DNAJC1: variants seen among roughly 807,000 people sequenced by gnomAD.
DNAJC1 encodes DnaJ heat shock protein family (Hsp40) member C1.
Under a neutral mutation model 76.6 loss-of-function variants are expected in DNAJC1, and 58 were observed. The ratio of observed to expected loss-of-function variants is 0.76; its 90% CI spans 0.61 to 0.94. DNAJC1 has a LOEUF of 0.94. Ranked by LOEUF, DNAJC1 falls within the 40% of genes least tolerant of loss-of-function variation. The pLI is 0.00. For missense variants in DNAJC1, 689 were observed against 677.3 expected, an observed-to-expected ratio of 1.02 and a Z score of -0.19; for synonymous variants, 258 against 267.9, an observed-to-expected ratio of 0.96 and a Z score of 0.36.
At chr10:21,862,373 T>C (rs901082308) in intron 8 of DNAJC1, among the ~76,000 whole-genome samples, 18 of 151,844 alleles carry the variant, frequency 1.2e-4, no homozygotes, top group East Asian at 5.8e-4. Flanking sequence ...AAAAACCATA[T>C]GCAAACAGGA....
At chr10:21,945,168 A>G (rs772459797) in intron 1 of DNAJC1, among the ~76,000 whole-genome samples, 2 of 152,222 alleles carry the variant, frequency 1.3e-5, no homozygotes, top group African/African-American at 2.4e-5. Context: ...GCTTTGAAGA[A>G]TGTCAGCATT....
At chr10:21,765,717 C>T (rs943047642) in intron 10 of DNAJC1, among the ~76,000 whole-genome samples, 3 of 151,886 alleles carry the variant, frequency 2.0e-5, no homozygotes, top group Non-Finnish European at 2.9e-5. Context: ...CAGTGGCGGG[C>T]GCCCGTAATC....
At chr10:21,778,672 C>T (rs566471064) in intron 9 of DNAJC1, among the ~76,000 whole-genome samples, 10 of 152,278 alleles carry the variant, frequency 6.6e-5, no homozygotes, top group East Asian at 3.9e-4. Context: ...GTGTGAGCGA[C>T]GGAGAAGACG....
intron 9 of DNAJC1, among the ~76,000 whole-genome samples, chr10:21,779,534 C>A (rs973913598): frequency 2.0e-5 from 3 of 152,188 alleles, no homozygotes; most frequent in African/African-American, 7.2e-5. Context: ...AGCTGAGGGT[C>A]CTGACTGTTA....
chr10:21,819,932 A>G (rs1257390034), intron 8 of DNAJC1, among the ~76,000 whole-genome samples: 3 of 152,230 alleles, frequency 2.0e-5, no homozygotes, highest in Non-Finnish European at 4.4e-5. Context: ...TCTGTCTCAA[A>G]TAAAACAAAC....
intron 8 of DNAJC1, among the ~76,000 whole-genome samples, chr10:21,826,963 G>GTT (rs55880711): frequency 1.1e-3 from 163 of 145,200 alleles, no homozygotes; most frequent in African/African-American, 3.9e-3. Flanking sequence ...TCTTGTTCAA[G>GTT]TTTTTTTTTT....
In DNAJC1 at chr10:21,894,481, G is replaced by A. The variant is rs145830826; in HGVS notation, c.820+10041C>T. 1.7e-4 allele frequency among the ~76,000 whole-genome samples: 26 copies of A among 152,276 alleles called. No individual in the cohort carries two copies. The East Asian group carries it at 5.0e-3, about 29-fold the overall frequency. On this transcript the variant is annotated intron_variant, in intron 7 of 11. Coordinates refer to ENST00000376980, the MANE Select transcript of DNAJC1 (RefSeq NM_022365.4). ...ACCTACTTGGGAGGCTAAGGCAAGA[G>A]AATCACTTGAACCTGGGAGGTGTAG...
chr10:21,827,780 T>C (rs1835286550), intron 8 of DNAJC1, among the ~76,000 whole-genome samples: 1 of 152,196 alleles, frequency 6.6e-6, no homozygotes, highest in South Asian at 2.1e-4. Flanking sequence ...TGGACATGGA[T>C]TTGTTTGGGA....
At chr10:21,813,807 G>A (rs146823303) in intron 8 of DNAJC1, among the ~76,000 whole-genome samples, 54 of 152,294 alleles carry the variant, frequency 3.5e-4, no homozygotes, top group African/African-American at 1.2e-3. Context: ...TTCCCCATCT[G>A]TAATACACCG....
chr10:21,872,271 T>C (rs111837017), intron 8 of DNAJC1, among the ~76,000 whole-genome samples: 1 of 152,148 alleles, frequency 6.6e-6, no homozygotes, highest in East Asian at 1.9e-4. Flanking sequence ...GACAGGGTTA[T>C]GTTGGCCAGG....
chr10:21,911,040 A>AAAGGAAGGAAGGAAGG (rs56239918), intron 6 of DNAJC1, among the ~76,000 whole-genome samples: 31 of 130,114 alleles, frequency 2.4e-4, no homozygotes, highest in African/African-American at 8.1e-4. Flanking sequence ...AAAGAGAGAG[A>AAAGGAAGGAAGGAAGG]AAGGAAGGAA....
At chr10:21,960,237 A>G (rs1268805296) in intron 1 of DNAJC1, among the ~76,000 whole-genome samples, 1 of 152,358 alleles carries the variant, frequency 6.6e-6, no homozygotes, top group Non-Finnish European at 1.5e-5. Flanking sequence ...TACAATTAAC[A>G]TCTTAAACTT....
chr10:21,964,748 G>T (rs1297471111), intron 1 of DNAJC1, among the ~76,000 whole-genome samples: 1 of 149,720 alleles, frequency 6.7e-6, no homozygotes, highest in Non-Finnish European at 1.5e-5. Context: ...TGTTTTTCAG[G>T]AACTGTCTTC....
intron 8 of DNAJC1, among the ~76,000 whole-genome samples, chr10:21,836,202 C>G (rs1231828483): frequency 1.3e-5 from 2 of 152,090 alleles, no homozygotes; most frequent in African/African-American, 4.8e-5. Context: ...ATTTTTAACC[C>G]AGAATTTCAT....
intron 7 of DNAJC1, among the ~76,000 whole-genome samples, chr10:21,901,523 T>A (rs1836653221): frequency 6.6e-6 from 1 of 152,166 alleles, no homozygotes; most frequent in Non-Finnish European, 1.5e-5. Context: ...TAATAAAAAG[T>A]GCCCCAAATT....
At chr10:21,919,782 A>T (rs771825398) in intron 5 of DNAJC1, 50 bp downstream of exon 5, 4 of 1,249,392 alleles carry the variant, frequency 3.2e-6, no homozygotes, top group Non-Finnish European at 4.6e-6. Flanking sequence ...CATATTAAAG[A>T]TGTATTTTAA....
chr10:21,799,812 C>T (rs140120845), intron 9 of DNAJC1, among the ~76,000 whole-genome samples: 32 of 152,120 alleles, frequency 2.1e-4, no homozygotes, highest in African/African-American at 7.5e-4. Context: ...GGAAAGGGTA[C>T]GAGTTCTCAC....
chr10:21,837,324 G>A (rs561788075), intron 8 of DNAJC1, among the ~76,000 whole-genome samples: 60 of 152,280 alleles, frequency 3.9e-4, no homozygotes, highest in African/African-American at 1.3e-3. Context: ...GCCTCTGCCC[G>A]GCCGCCACCC....
intron 8 of DNAJC1, among the ~76,000 whole-genome samples, chr10:21,858,857 TACCTG>T (rs1457573790): frequency 6.6e-6 from 1 of 152,196 alleles, no homozygotes; most frequent in East Asian, 1.9e-4. Context: ...TGTTTTGGCT[TACCTG>T]ATGAAATCAG....
Sources: gnomAD v4.1 joint callset for allele counts (sites outside exome capture counted in the v4.1 genomes callset) on GRCh38, gnomAD v4.1.1 for gene constraint, MANE v1.5 for transcripts, NCBI Gene and HGNC (gene_info 2026-07-23, HGNC 2026-07-21) for gene names.